Variants in THADA observed in about 807,000 individuals in gnomAD.
THADA encodes the protein tRNA (32-2'-O)-methyltransferase regulator THADA.
THADA carries 213 observed loss-of-function variants against 219.8 expected under a neutral mutation model. That is an observed-to-expected ratio of 0.97 (90% CI 0.87 to 1.09). The LOEUF is 1.09. THADA is among the 50% of genes least tolerant of loss of function. THADA has a pLI of 0.00. For synonymous variants in THADA, 1,018 were observed against 828.9 expected, an observed-to-expected ratio of 1.23 and a Z score of -3.92; for missense variants, 2,956 against 2,311.3, an observed-to-expected ratio of 1.28 and a Z score of -5.72.
intron 29 of THADA, among the ~76,000 whole-genome samples, chr2:43,364,258 T>A (rs538288198): frequency 2.6e-5 from 4 of 151,986 alleles, no homozygotes; most frequent in Non-Finnish European, 4.4e-5. Flanking sequence ...AATAAAAAAA[T>A]TTTAAAAGCT....
chr2:43,373,296 C>T (rs909661592), intron 29 of THADA, among the ~76,000 whole-genome samples: 46 of 152,276 alleles, frequency 3.0e-4, no homozygotes, highest in African/African-American at 1.1e-3. Flanking sequence ...AAAAGCCCAA[C>T]ATTTTCACTA....
chr2:43,427,825 G>A (rs980291617), intron 28 of THADA, among the ~76,000 whole-genome samples: 7 of 149,270 alleles, frequency 4.7e-5, no homozygotes, highest in East Asian at 3.9e-4. Flanking sequence ...GCGTGGTGGC[G>A]GGTGCCTGTA....
At chr2:43,553,802 A>G (rs980914787) in intron 17 of THADA, among the ~76,000 whole-genome samples, 2 of 152,150 alleles carry the variant, frequency 1.3e-5, no homozygotes, top group African/African-American at 4.8e-5. Flanking sequence ...TTTTTAAATT[A>G]TAGTCATCCT....
In THADA at chr2:43,292,240, G is replaced by A. The variant is rs184716483; in HGVS notation, c.4819-18C>T. 1.1e-4 allele frequency: 156 copies of A among 1,484,356 alleles called. 2 individuals carry two copies. In the Admixed American group the frequency reaches 2.8e-3, roughly 26 times the overall value. 91.9% of individuals were successfully genotyped at this position (1,484,356 alleles called of 1,614,324 possible). Reference sequence around the variant, plus strand: ...TTCAGTATCTGTGTAAGCCAAATCCGCACACAAAAAAGAGAAATAAATACT... The same window carrying A: ...TTCAGTATCTGTGTAAGCCAAATCCACACACAAAAAAGAGAAATAAATACT... On this transcript the variant is annotated intron_variant, in intron 32 of 37. Transcript: ENST00000405975.
At chr2:43,344,303 C>T in intron 29 of THADA, 66 bp from the exon 30 acceptor site, 1 of 1,139,568 alleles carries the variant, frequency 8.8e-7, no homozygotes, top group Non-Finnish European at 1.3e-6. Context: ...TCAGTTCCTC[C>T]CTTTTAAGTT....
At chr2:43,587,055 T>C (rs910933907) in intron 4 of THADA, 53 bp from the exon 5 acceptor site, 6 of 1,539,954 alleles carry the variant, frequency 3.9e-6, no homozygotes, top group Middle Eastern at 2.0e-4. Flanking sequence ...CCCCAGAATA[T>C]GTGGAGAGGG....
intron 7 of THADA, among the ~76,000 whole-genome samples, chr2:43,585,906 T>C (rs1424588579): frequency 6.6e-6 from 1 of 152,020 alleles, no homozygotes; most frequent in Non-Finnish European, 1.5e-5. Context: ...ATATAAAAAC[T>C]TTGAATTTAT....
chr2:43,483,664 G>C (rs1686522042), intron 26 of THADA, among the ~76,000 whole-genome samples: 1 of 151,752 alleles, frequency 6.6e-6, no homozygotes, highest in African/African-American at 2.4e-5. Flanking sequence ...AATTAAAATT[G>C]TATAGTATCA....
chr2:43,593,595 AG>A (rs2104208280), intron 1 of THADA, among the ~76,000 whole-genome samples: 1 of 151,682 alleles, frequency 6.6e-6, no homozygotes, highest in African/African-American at 2.4e-5. Flanking sequence ...ACTGTTTTGG[AG>A]AAAAAGGGAA....
chr2:43,518,590 T>C (rs890632093), intron 22 of THADA, among the ~76,000 whole-genome samples: 3 of 152,244 alleles, frequency 2.0e-5, no homozygotes, highest in African/African-American at 7.2e-5. Context: ...AAAAGTGTTA[T>C]TTAACCGAGG....
chr2:43,281,601 C>T (rs1572897121), intron 35 of THADA, among the ~76,000 whole-genome samples: 1 of 151,884 alleles, frequency 6.6e-6, no homozygotes, highest in East Asian at 1.9e-4. Context: ...ACCACCACAC[C>T]CGGCTAATTT....
chr2:43,297,644 G>C (rs1481811868), intron 31 of THADA, among the ~76,000 whole-genome samples: 1 of 99,312 alleles, frequency 1.0e-5, no homozygotes, highest in Admixed American at 8.5e-5. Flanking sequence ...CGGGAGGTGA[G>C]GGGCGCCTCT....
intron 30 of THADA, among the ~76,000 whole-genome samples, chr2:43,322,456 A>G (rs1678827291): frequency 6.6e-6 from 1 of 151,742 alleles, no homozygotes; most frequent in African/African-American, 2.4e-5. Context: ...GTGAGCTGAG[A>G]TCATGCCACT....
At chr2:43,394,973 T>C (rs1344836400) in intron 29 of THADA, among the ~76,000 whole-genome samples, 2 of 152,204 alleles carry the variant, frequency 1.3e-5, no homozygotes, top group Non-Finnish European at 2.9e-5. Flanking sequence ...TCACATTTTA[T>C]CTAGCAGAAG....
chr2:43,482,571 G>T (rs1337018569), intron 26 of THADA, among the ~76,000 whole-genome samples: 1 of 152,148 alleles, frequency 6.6e-6, no homozygotes. Flanking sequence ...GATTATAGTG[G>T]TTATATTGTA....
chr2:43,578,480 T>A, intron 9 of THADA, 33 bp downstream of exon 9: 1 of 1,535,222 alleles, frequency 6.5e-7, no homozygotes, highest in Non-Finnish European at 9.0e-7. Flanking sequence ...TAACTCTCAA[T>A]AAAGTACAAT....
chr2:43,438,598 A>G (rs768029057), intron 26 of THADA, among the ~76,000 whole-genome samples: 3 of 152,202 alleles, frequency 2.0e-5, no homozygotes, highest in Admixed American at 6.5e-5. Context: ...TCAACAAAAC[A>G]TGAGTAAACT....
intron 9 of THADA, among the ~76,000 whole-genome samples, chr2:43,577,911 A>T (rs1700026499): frequency 1.3e-5 from 2 of 152,152 alleles, no homozygotes; most frequent in Admixed American, 1.3e-4. Context: ...CTTTTAAGAT[A>T]CTAATGAGAG....
intron 26 of THADA, among the ~76,000 whole-genome samples, chr2:43,448,511 C>T (rs1681867053): frequency 6.6e-6 from 1 of 150,450 alleles, no homozygotes; most frequent in South Asian, 2.1e-4. Flanking sequence ...TCCCCTCAGG[C>T]TGAAGCAACT....
Sources: gnomAD v4.1 joint callset for allele counts (sites outside exome capture counted in the v4.1 genomes callset) on GRCh38, gnomAD v4.1.1 for gene constraint, MANE v1.5 for transcripts, NCBI Gene and HGNC (gene_info 2026-07-23, HGNC 2026-07-21) for gene names.